Variants in IL1RAPL2 observed in about 807,000 individuals in gnomAD.
IL1RAPL2 encodes the protein X-linked interleukin-1 receptor accessory protein-like 2.
In IL1RAPL2, 3 loss-of-function variants were observed where a neutral mutation model predicts 44.1. The observed-to-expected ratio is 0.07, with a 90% CI of 0.03 to 0.18. The LOEUF (loss-of-function observed/expected upper bound fraction) is 0.18. Among genes scored for constraint, IL1RAPL2 ranks in the 10% least tolerant of loss-of-function variants. The pLI is 1.00. For synonymous variants in IL1RAPL2, 181 were observed against 178.8 expected (o/e 1.01, Z -0.10); for missense variants, 391 against 496.4 (o/e 0.79, Z 2.02).
intron 2 of IL1RAPL2, among the ~76,000 whole-genome samples, chrX:104,910,168 C>T (rs892970849): frequency 1.8e-5 from 2 of 112,424 alleles, no homozygotes; most frequent in East Asian, 2.8e-4. Flanking sequence ...ACTCCCTGAC[C>T]CCTTGCGCTT....
chrX:104,881,736 T>C (rs1322434440), intron 2 of IL1RAPL2, among the ~76,000 whole-genome samples: 1 of 111,974 alleles, frequency 8.9e-6, no homozygotes, highest in Non-Finnish European at 1.9e-5. Flanking sequence ...AGGGACACAA[T>C]ACAACCTGAG....
intron 2 of IL1RAPL2, among the ~76,000 whole-genome samples, chrX:105,036,458 C>T (rs1482231681): frequency 8.9e-6 from 1 of 112,089 alleles, no homozygotes. Flanking sequence ...TTACAACATA[C>T]ACAGACACTT....
At chrX:104,741,907 C>A (rs943535541) in intron 2 of IL1RAPL2, among the ~76,000 whole-genome samples, 2 of 111,456 alleles carry the variant, frequency 1.8e-5, no homozygotes, top group Non-Finnish European at 1.9e-5. Context: ...TAATTCATGG[C>A]ACTTTGCACA....
At chrX:104,801,428 C>T (rs1394987906) in intron 2 of IL1RAPL2, among the ~76,000 whole-genome samples, 1 of 70,374 alleles carries the variant, frequency 1.4e-5, no homozygotes, top group Non-Finnish European at 2.6e-5. Context: ...TCGACTTGAG[C>T]ATTTAGTTGT....
At chrX:104,763,313 A>C (rs142778381) in intron 2 of IL1RAPL2, among the ~76,000 whole-genome samples, 32 of 112,010 alleles carry the variant, frequency 2.9e-4, no homozygotes, top group Non-Finnish European at 4.5e-4. Context: ...TATCACTATC[A>C]ACATTTTGTT....
intron 5 of IL1RAPL2, among the ~76,000 whole-genome samples, chrX:105,409,618 A>AG (rs1204637222): frequency 3.6e-5 from 4 of 111,419 alleles, no homozygotes; most frequent in African/African-American, 1.3e-4. Context: ...AATGCCATGA[A>AG]GGAGCCAACC....
chrX:105,271,405 G>A (rs982537482), intron 5 of IL1RAPL2, among the ~76,000 whole-genome samples: 17 of 111,918 alleles, frequency 1.5e-4, no homozygotes, highest in Middle Eastern at 4.2e-3. Context: ...CATATTTTAG[G>A]TGACTATATG....
intron 4 of IL1RAPL2, among the ~76,000 whole-genome samples, chrX:105,264,138 T>A (rs2034382865): frequency 9.0e-6 from 1 of 110,850 alleles, no homozygotes; most frequent in Admixed American, 9.6e-5. Context: ...GATAATTGAA[T>A]CATGGGGATG....
At chrX:104,740,428 C>T (rs1029650108) in intron 2 of IL1RAPL2, among the ~76,000 whole-genome samples, 1 of 110,533 alleles carries the variant, frequency 9.0e-6, no homozygotes, top group Non-Finnish European at 1.9e-5. Flanking sequence ...TATTAGTGTC[C>T]ATTTTACATT....
chrX:104,992,063 G>A (rs191430828), intron 2 of IL1RAPL2, among the ~76,000 whole-genome samples: 38 of 111,330 alleles, frequency 3.4e-4, no homozygotes, highest in Admixed American at 1.3e-3. Context: ...TCTTGAAAGA[G>A]CCATACATAG....
At chrX:104,673,238 G>A (rs1020111196) in intron 2 of IL1RAPL2, among the ~76,000 whole-genome samples, 19 of 111,588 alleles carry the variant, frequency 1.7e-4, no homozygotes, top group East Asian at 5.6e-4. Context: ...TAGGTCTAAC[G>A]TTTAAGTCTT....
intron 6 of IL1RAPL2, among the ~76,000 whole-genome samples, chrX:105,588,235 T>C (rs2037143341): frequency 9.0e-6 from 1 of 111,179 alleles, no homozygotes; most frequent in East Asian, 2.8e-4. Context: ...GATGTTACCA[T>C]GGGAGGAAAC....
intron 2 of IL1RAPL2, among the ~76,000 whole-genome samples, chrX:105,069,793 C>T (rs2032183544): frequency 8.9e-6 from 1 of 112,010 alleles, no homozygotes; most frequent in Admixed American, 9.5e-5. Flanking sequence ...CTATTATTCT[C>T]ATTGGGATTG....
intron 2 of IL1RAPL2, among the ~76,000 whole-genome samples, chrX:105,171,194 C>T (rs1375164519): frequency 9.0e-6 from 1 of 111,095 alleles, no homozygotes; most frequent in African/African-American, 3.3e-5. Context: ...AGAAAATGGC[C>T]CTATTTGATC....
chrX:104,619,615 T>C (rs1037770099), intron 1 of IL1RAPL2, among the ~76,000 whole-genome samples: 1 of 112,251 alleles, frequency 8.9e-6, no homozygotes, highest in African/African-American at 3.2e-5. Context: ...GTCTTGCTAC[T>C]TCCGAGTGGC....
At chrX:105,366,354 A>AT (rs1194465336) in intron 5 of IL1RAPL2, among the ~76,000 whole-genome samples, 60 of 108,466 alleles carry the variant, frequency 5.5e-4, no homozygotes, top group African/African-American at 1.6e-3. Context: ...CTAGTTTCTT[A>AT]TTTTTTTTCC....
At chrX:104,759,447 A>T (rs1932392210) in intron 2 of IL1RAPL2, among the ~76,000 whole-genome samples, 1 of 111,734 alleles carries the variant, frequency 8.9e-6, no homozygotes, top group Non-Finnish European at 1.9e-5. Context: ...TTAGGATAAT[A>T]CCTGCTTTTT....
intron 2 of IL1RAPL2, among the ~76,000 whole-genome samples, chrX:104,712,592 G>A (rs955150246): frequency 9.0e-6 from 1 of 111,091 alleles, no homozygotes; most frequent in Admixed American, 9.6e-5. Context: ...ATACATTTGA[G>A]AGAAAATATC....
intron 5 of IL1RAPL2, among the ~76,000 whole-genome samples, chrX:105,356,969 T>C (rs1173463309): frequency 8.9e-6 from 1 of 111,797 alleles, no homozygotes; most frequent in East Asian, 2.8e-4. Flanking sequence ...TCTAAATAAA[T>C]ATCTGTTGAA....
Sources: gnomAD v4.1 joint callset for allele counts (sites outside exome capture counted in the v4.1 genomes callset) on GRCh38, gnomAD v4.1.1 for gene constraint, MANE v1.5 for transcripts, NCBI Gene and HGNC (gene_info 2026-07-23, HGNC 2026-07-21) for gene names.